GRM7: variants seen among roughly 807,000 people sequenced by gnomAD.
The protein encoded by GRM7 is metabotropic glutamate receptor 7.
A neutral mutation model predicts 84.5 loss-of-function variants in GRM7; 35 were observed. That is an observed-to-expected ratio of 0.41 (90% CI 0.32 to 0.55). GRM7 has a LOEUF of 0.55. GRM7 is among the 20% of genes least tolerant of loss of function. The pLI is 0.19. For missense variants in GRM7, 1,003 were observed against 1,194.6 expected (o/e 0.84, Z 2.36); for synonymous variants, 487 against 455.1 (o/e 1.07, Z -0.89).
At chr3:7,258,928 T>C (rs1911900) in intron 2 of GRM7, among the ~76,000 whole-genome samples, 137,044 of 152,282 alleles carry the variant, frequency 0.9, 61,932 homozygotes, top group East Asian at 1. Flanking sequence ...GTGGAAAACC[T>C]TAAGGATTTT....
At chr3:7,485,310 A>G (rs1030057446) in intron 7 of GRM7, among the ~76,000 whole-genome samples, 3 of 152,188 alleles carry the variant, frequency 2.0e-5, no homozygotes, top group African/African-American at 7.2e-5. Context: ...TTTAATGCAT[A>G]CACTCAGGAG....
rs569407892 is a variant in GRM7, at chr3:7,542,805, CA to C, written c.1516-35613del. 1.0e-3 allele frequency among the ~76,000 whole-genome samples: 159 copies of C among 152,298 alleles called. 2 individuals are homozygous for C. In the South Asian group the frequency reaches 0.012, roughly 11 times the overall value. On this transcript the variant is annotated intron_variant, in intron 7 of 9. Coordinates refer to ENST00000357716, the MANE Select transcript of GRM7 (RefSeq NM_000844.4). ...TCGTGATCTGCCTGCCTCGGCCTCC[CA>C]AAATTCTGGGATTACAGGCGTGAGC...
intron 4 of GRM7, among the ~76,000 whole-genome samples, chr3:7,329,659 A>G (rs1482862397): frequency 6.6e-6 from 1 of 152,132 alleles, no homozygotes; most frequent in Admixed American, 6.6e-5. Flanking sequence ...TTATATTTCT[A>G]TATGTAACTT....
intron 1 of GRM7, among the ~76,000 whole-genome samples, chr3:6,869,568 C>CATCTATCTGTCTGTCTATCTATCT (rs1553575971): frequency 1.6e-5 from 1 of 62,576 alleles, no homozygotes; most frequent in East Asian, 3.5e-4. Context: ...GTATAATTTA[C>CATCTATCTGTCTGTCTATCTATCT]ATCTATCTAT....
chr3:7,432,119 G>A (rs1696855568), intron 5 of GRM7, among the ~76,000 whole-genome samples: 1 of 152,064 alleles, frequency 6.6e-6, no homozygotes, highest in Non-Finnish European at 1.5e-5. Context: ...AGCAGCAGGT[G>A]GGTTTTGCCT....
chr3:7,625,392 A>T (rs1451852530), intron 8 of GRM7, among the ~76,000 whole-genome samples: 1 of 152,148 alleles, frequency 6.6e-6, no homozygotes, highest in Non-Finnish European at 1.5e-5. Flanking sequence ...CGTACAGGGG[A>T]TATATTTTTT....
At chr3:7,175,099 G>T (rs192117117) in intron 2 of GRM7, among the ~76,000 whole-genome samples, 1 of 152,198 alleles carries the variant, frequency 6.6e-6, no homozygotes, top group Admixed American at 6.5e-5. Context: ...ACCAAGAAAA[G>T]TATGTGTTTT....
At chr3:7,311,781 G>T (rs1700406456) in intron 4 of GRM7, among the ~76,000 whole-genome samples, 1 of 151,990 alleles carries the variant, frequency 6.6e-6, no homozygotes, top group Non-Finnish European at 1.5e-5. Context: ...TTTTAGTAGA[G>T]ACAGGGTTTC....
At chr3:7,592,360 A>T (rs1291355392) in intron 8 of GRM7, among the ~76,000 whole-genome samples, 1 of 152,212 alleles carries the variant, frequency 6.6e-6, no homozygotes, top group Non-Finnish European at 1.5e-5. Flanking sequence ...ACAACCTTTG[A>T]ACAAAGACAT....
intron 8 of GRM7, among the ~76,000 whole-genome samples, chr3:7,619,359 G>A (rs1233434320): frequency 6.6e-6 from 1 of 151,984 alleles, no homozygotes; most frequent in Non-Finnish European, 1.5e-5. Flanking sequence ...CAGCACAGTG[G>A]CTGCAAGTCA....
At chr3:6,944,759 G>C (rs993133508) in intron 1 of GRM7, among the ~76,000 whole-genome samples, 5 of 152,024 alleles carry the variant, frequency 3.3e-5, no homozygotes, top group Non-Finnish European at 7.4e-5. Context: ...TATTATTTCT[G>C]TCTTACTTAT....
At chr3:7,590,673 A>G (rs1204926589) in intron 8 of GRM7, among the ~76,000 whole-genome samples, 1 of 152,032 alleles carries the variant, frequency 6.6e-6, no homozygotes, top group Non-Finnish European at 1.5e-5. Flanking sequence ...ACCTTTGTTC[A>G]GGATATGCCT....
chr3:7,653,912 G>T (rs1382366814), intron 8 of GRM7, among the ~76,000 whole-genome samples: 1 of 152,116 alleles, frequency 6.6e-6, no homozygotes, highest in African/African-American at 2.4e-5. Flanking sequence ...TGGGGCCAGG[G>T]TTCTAAGACC....
chr3:7,268,568 G>T (rs1033253306), intron 2 of GRM7, among the ~76,000 whole-genome samples: 1 of 152,188 alleles, frequency 6.6e-6, no homozygotes, highest in Non-Finnish European at 1.5e-5. Flanking sequence ...ACCTTCATTT[G>T]CTACTCCAGA....
At chr3:7,367,681 T>C (rs558937535) in intron 4 of GRM7, among the ~76,000 whole-genome samples, 22 of 151,892 alleles carry the variant, frequency 1.4e-4, no homozygotes, top group African/African-American at 5.1e-4. Flanking sequence ...ACTCATATGT[T>C]TTAACAGTGT....
intron 1 of GRM7, among the ~76,000 whole-genome samples, chr3:6,882,458 T>C (rs1432087306): frequency 6.6e-6 from 1 of 152,144 alleles, no homozygotes. Context: ...AGGCTGCATG[T>C]TTGCTTGAGC....
intron 4 of GRM7, among the ~76,000 whole-genome samples, chr3:7,409,598 G>A (rs916652978): frequency 1.7e-4 from 25 of 151,228 alleles, no homozygotes; most frequent in Non-Finnish European, 3.5e-4. Flanking sequence ...GTTTTGTTTT[G>A]TTTTGTTTTG....
At chr3:7,213,015 A>T (rs571990963) in intron 2 of GRM7, among the ~76,000 whole-genome samples, 2 of 152,270 alleles carry the variant, frequency 1.3e-5, no homozygotes, top group South Asian at 4.1e-4. Context: ...GAAATGCACA[A>T]CTATTTGGAG....
At chr3:7,112,300 C>G (rs578037856) in intron 1 of GRM7, among the ~76,000 whole-genome samples, 2 of 151,760 alleles carry the variant, frequency 1.3e-5, no homozygotes, top group Admixed American at 1.3e-4. Context: ...TCTCAGCTCA[C>G]TACAACCTCT....
Sources: gnomAD v4.1 joint callset for allele counts (sites outside exome capture counted in the v4.1 genomes callset) on GRCh38, gnomAD v4.1.1 for gene constraint, MANE v1.5 for transcripts, NCBI Gene and HGNC (gene_info 2026-07-23, HGNC 2026-07-21) for gene names.